The following ENDOD1 variants were observed in gnomAD, a reference collection of about 807,000 sequenced individuals.
ENDOD1 encodes endonuclease domain containing 1, also known as endonuclease domain-containing 1 protein.
ENDOD1 carries 9 observed loss-of-function variants against 6.5 expected under a neutral mutation model. That is an observed-to-expected ratio of 1.39 (90% CI 0.84 to 2.43). The LOEUF (loss-of-function observed/expected upper bound fraction) is 2.43, where lower values mean the gene tolerates loss of function less well. Ranked by LOEUF, ENDOD1 falls within the 30% of genes most tolerant of loss-of-function variation. The pLI is 0.00. For missense variants in ENDOD1, 648 were observed against 635.5 expected (o/e 1.02, Z -0.21); for synonymous variants, 255 against 255.2 (o/e 1.00, Z 0.01).
At chr11:95,105,907 G>A (rs1223046409) in intron 1 of ENDOD1, among the ~76,000 whole-genome samples, 2 of 152,224 alleles carry the variant, frequency 1.3e-5, no homozygotes, top group Non-Finnish European at 2.9e-5. Context: ...AGCAACAGCA[G>A]GAAGCTGTGA....
chr11:95,112,444 A>T (rs1555112027), intron 1 of ENDOD1, among the ~76,000 whole-genome samples: 1 of 152,202 alleles, frequency 6.6e-6, no homozygotes, highest in Non-Finnish European at 1.5e-5. Context: ...CATGTCTGAC[A>T]TGGAGATGAT....
chr11:95,103,420 C>T (rs1165903423), intron 1 of ENDOD1, among the ~76,000 whole-genome samples: 1 of 152,170 alleles, frequency 6.6e-6, no homozygotes, highest in Non-Finnish European at 1.5e-5. Flanking sequence ...CTGATTTCAT[C>T]AGTGTTGTCA....
chr11:95,117,108 C>A (rs1157447045), intron 1 of ENDOD1, among the ~76,000 whole-genome samples: 1 of 152,182 alleles, frequency 6.6e-6, no homozygotes, highest in African/African-American at 2.4e-5. Flanking sequence ...CTCTTTAGCT[C>A]TAATAATATT....
intron 1 of ENDOD1, among the ~76,000 whole-genome samples, chr11:95,111,235 GTGCC>G (rs779094147): frequency 6.6e-6 from 1 of 152,122 alleles, no homozygotes. Context: ...AGTCCGTTCA[GTGCC>G]TTCCTGCTCC....
chr11:95,114,028 T>G (rs1157821430), intron 1 of ENDOD1, among the ~76,000 whole-genome samples: 2 of 152,262 alleles, frequency 1.3e-5, no homozygotes, highest in African/African-American at 4.8e-5. Context: ...TTGATGATGT[T>G]GGGCACTTTT....
intron 1 of ENDOD1, among the ~76,000 whole-genome samples, chr11:95,118,237 G>A (rs942743963): frequency 6.6e-6 from 1 of 152,132 alleles, no homozygotes; most frequent in Non-Finnish European, 1.5e-5. Context: ...ATTCTGTGCA[G>A]TTACTATTAC....
intron 1 of ENDOD1, among the ~76,000 whole-genome samples, chr11:95,090,450 C>T (rs1858919282): frequency 7.7e-6 from 1 of 129,868 alleles, no homozygotes; most frequent in Non-Finnish European, 1.6e-5. Context: ...GATCTGCGAG[C>T]CTTCACTTCA....
chr11:95,117,692 G>A (rs1859224594), intron 1 of ENDOD1, among the ~76,000 whole-genome samples: 1 of 152,050 alleles, frequency 6.6e-6, no homozygotes, highest in East Asian at 1.9e-4. Context: ...GCTGATCAAT[G>A]GGTTTTGTTT....
At chr11:95,095,597 A>T (rs1399493121) in intron 1 of ENDOD1, among the ~76,000 whole-genome samples, 1 of 152,224 alleles carries the variant, frequency 6.6e-6, no homozygotes, top group East Asian at 1.9e-4. Context: ...TCCCTATACT[A>T]TTCTTTCAGT....
intron 1 of ENDOD1, among the ~76,000 whole-genome samples, chr11:95,112,616 G>A (rs1255316129): frequency 6.6e-6 from 1 of 152,164 alleles, no homozygotes; most frequent in Non-Finnish European, 1.5e-5. Flanking sequence ...TAAAGCCTTT[G>A]TGTAGAAATC....
At chr11:95,099,850 G>C (rs1211483234) in intron 1 of ENDOD1, among the ~76,000 whole-genome samples, 3 of 152,138 alleles carry the variant, frequency 2.0e-5, no homozygotes, top group Non-Finnish European at 4.4e-5. Context: ...TTATCTTAGT[G>C]TTTATAACTA....
chr11:95,108,016 C>A (rs1555111595), intron 1 of ENDOD1, among the ~76,000 whole-genome samples: 1 of 152,224 alleles, frequency 6.6e-6, no homozygotes, highest in African/African-American at 2.4e-5. Flanking sequence ...AAACTCCTCG[C>A]TGTGTGTGAT....
intron 1 of ENDOD1, among the ~76,000 whole-genome samples, chr11:95,119,052 A>G (rs7116669): frequency 0.22 from 33,018 of 152,078 alleles, 5,146 homozygotes; most frequent in African/African-American, 0.45. Context: ...TTATCTGATA[A>G]AATTCTGAAT....
At chr11:95,114,059 C>T (rs782267658) in intron 1 of ENDOD1, among the ~76,000 whole-genome samples, 5 of 152,092 alleles carry the variant, frequency 3.3e-5, no homozygotes, top group African/African-American at 4.8e-5. Flanking sequence ...GTTTGCTATT[C>T]GTATGTCTTC....
chr11:95,115,340 G>A (rs1202548481), intron 1 of ENDOD1, among the ~76,000 whole-genome samples: 2 of 149,600 alleles, frequency 1.3e-5, no homozygotes, highest in Non-Finnish European at 3.0e-5. Context: ...AGTTTATTTT[G>A]TGTCCTACAA....
At chr11:95,122,539 C>T (rs1859271655) in intron 1 of ENDOD1, among the ~76,000 whole-genome samples, 1 of 150,268 alleles carries the variant, frequency 6.7e-6, no homozygotes, top group African/African-American at 2.5e-5. Flanking sequence ...CATGCCTGGC[C>T]TATTACTATT....
At chr11:95,109,371 G>C (rs577031400) in intron 1 of ENDOD1, among the ~76,000 whole-genome samples, 11 of 152,354 alleles carry the variant, frequency 7.2e-5, no homozygotes, top group Admixed American at 7.2e-4. Flanking sequence ...AGGAGAGCCA[G>C]TTCTCTCTGG....
intron 1 of ENDOD1, among the ~76,000 whole-genome samples, chr11:95,098,761 C>T (rs1859010725): frequency 1.3e-5 from 2 of 151,648 alleles, no homozygotes; most frequent in South Asian, 4.2e-4. Flanking sequence ...CTATTATTAT[C>T]CTTCTTAGAG....
In ENDOD1 at chr11:95,090,288, C is replaced by T. The variant is rs951409311; in HGVS notation, c.300+61C>T. On this transcript the variant is annotated intron_variant, in intron 1 of 1. Coordinates refer to ENST00000278505, the MANE Select transcript of ENDOD1 (RefSeq NM_015036.3). ...CCGGAGACCGTGCCGCTGGACATGC[C>T]CCCAGTTGCAGCTACCGCGAGGGGC... 8.1e-6 allele frequency: 11 copies of T among 1,349,728 alleles called. 1 individual carries two copies. The Admixed American group carries it at 3.7e-4, about 45-fold the overall frequency. The allele number at this position is 1,349,728 out of a possible 1,614,324, so 83.6% of individuals were successfully genotyped here. A position where few individuals can be genotyped will look rare whatever the true frequency, so the allele number is the denominator to read the frequency against.
Sources: allele counts gnomAD v4.1 joint callset (sites outside exome capture counted in the v4.1 genomes callset), GRCh38; gene constraint gnomAD v4.1.1; transcripts MANE v1.5; gene names NCBI Gene and HGNC (gene_info 2026-07-23, HGNC 2026-07-21).